The following CACNA1A variants were observed in gnomAD, a reference collection of about 807,000 sequenced individuals.
CACNA1A encodes the protein voltage-dependent P/Q-type calcium channel subunit alpha-1A.
In CACNA1A, 57 loss-of-function variants were observed where a neutral mutation model predicts 262.4. The ratio of observed to expected loss-of-function variants is 0.22; its 90% confidence interval spans 0.18 to 0.27. The LOEUF (loss-of-function observed/expected upper bound fraction) is 0.27, where lower values mean the gene tolerates loss of function less well. CACNA1A is among the 10% of genes least tolerant of loss of function. The pLI is 1.00. For missense variants in CACNA1A, 2,526 were observed against 3,562.8 expected (o/e 0.71, Z 7.41); for synonymous variants, 1,431 against 1,419.3 (o/e 1.01, Z -0.18).
chr19:13,391,931 G>A (rs2059716426), intron 3 of CACNA1A, among the ~76,000 whole-genome samples: 1 of 151,786 alleles, frequency 6.6e-6, no homozygotes, highest in African/African-American at 2.4e-5. Flanking sequence ...CAGCTACTCG[G>A]GAGGCTGAGG....
At chr19:13,293,762 A>C (rs2057598286) in intron 19 of CACNA1A, among the ~76,000 whole-genome samples, 1 of 151,562 alleles carries the variant, frequency 6.6e-6, no homozygotes, top group Admixed American at 6.6e-5. Flanking sequence ...GGCTCAGTTA[A>C]ATCTTATACC....
In CACNA1A at chr19:13,278,655, G is replaced by A. The variant is rs532948825; in HGVS notation, c.3823-1527C>T. 1.8e-3 allele frequency among the ~76,000 whole-genome samples: 276 copies of A among 152,252 alleles called. 1 individual carries two copies. Among genetic ancestry groups the A allele is most frequent in the Middle Eastern group, 3.4e-3 (1 of 294 alleles). ...CCAAATGTCAGCCCCACAAGGACAG[G>A]GATGTCTGTCTGTCACCATGGCGTC... On this transcript the variant is annotated intron_variant, in intron 22 of 46. Coordinates refer to ENST00000360228, the MANE Select transcript of CACNA1A (RefSeq NM_001127222.2).
chr19:13,233,529 C>T (rs550401393), intron 34 of CACNA1A, among the ~76,000 whole-genome samples: 25 of 152,168 alleles, frequency 1.6e-4, no homozygotes, highest in Non-Finnish European at 2.9e-4. Flanking sequence ...GCTCTGTTGC[C>T]GAGGCTGGAG....
At chr19:13,297,738 G>A (rs546217151) in intron 19 of CACNA1A, among the ~76,000 whole-genome samples, 91 of 152,120 alleles carry the variant, frequency 6.0e-4, no homozygotes, top group African/African-American at 2.0e-3. Flanking sequence ...GCTTGAGCCC[G>A]GGAGGTAGAG....
chr19:13,349,701 CAG>C (rs2058871397), intron 6 of CACNA1A, among the ~76,000 whole-genome samples: 1 of 152,210 alleles, frequency 6.6e-6, no homozygotes, highest in Admixed American at 6.5e-5. Context: ...CTGAGTGAGA[CAG>C]AGCTGAATTC....
intron 10 of CACNA1A, among the ~76,000 whole-genome samples, chr19:13,328,066 G>GA (rs1321334721): frequency 6.6e-6 from 1 of 151,704 alleles, no homozygotes; most frequent in Non-Finnish European, 1.5e-5. Flanking sequence ...GCCTGGCTAA[G>GA]TTTTTCAACA....
At chr19:13,391,028 A>T (rs2059701804) in intron 3 of CACNA1A, among the ~76,000 whole-genome samples, 2 of 152,130 alleles carry the variant, frequency 1.3e-5, no homozygotes, top group Non-Finnish European at 2.9e-5. Flanking sequence ...CTGGGATTAC[A>T]GGCACGTGAC....
chr19:13,263,073 T>G (rs1394541338), intron 24 of CACNA1A: 1 of 517,020 alleles, frequency 1.9e-6, no homozygotes. Flanking sequence ...TTGAGGGCCC[T>G]TTGCCATCTG....
intron 1 of CACNA1A, among the ~76,000 whole-genome samples, chr19:13,460,140 C>T (rs2061093112): frequency 6.6e-6 from 1 of 152,172 alleles, no homozygotes; most frequent in Non-Finnish European, 1.5e-5. Context: ...ACCCTTGCTA[C>T]TCAAAGTGTG....
chr19:13,303,524 A>C (rs2057834836), intron 17 of CACNA1A, 22 bp downstream of exon 17: 1 of 1,363,328 alleles, frequency 7.3e-7, no homozygotes, highest in Non-Finnish European at 9.8e-7. Context: ...TTGCCAGAGA[A>C]ACATTCTCCC....
chr19:13,347,957 G>C (rs910667500), intron 6 of CACNA1A, among the ~76,000 whole-genome samples: 1 of 151,984 alleles, frequency 6.6e-6, no homozygotes, highest in Non-Finnish European at 1.5e-5. Flanking sequence ...GTCTGGTTCT[G>C]TCACCCAGGC....
intron 1 of CACNA1A, among the ~76,000 whole-genome samples, chr19:13,483,521 C>T (rs1380417378): frequency 1.3e-5 from 2 of 152,178 alleles, no homozygotes; most frequent in Admixed American, 1.3e-4. Context: ...GGCATGAGCA[C>T]ACGACCTCAG....
chr19:13,467,107 A>G (rs1026561959), intron 1 of CACNA1A, among the ~76,000 whole-genome samples: 3 of 152,114 alleles, frequency 2.0e-5, no homozygotes, highest in Non-Finnish European at 4.4e-5. Flanking sequence ...CTGGGAGAAG[A>G]GTAACCCAGG....
In CACNA1A at chr19:13,259,581, C is replaced by T. The variant is rs368100270; in HGVS notation, c.4371G>A (p.Thr1457=). Residue 1457 remains threonine (T), a synonymous_variant, in exon 27 of 47, where the codon ACG becomes ACA. Coordinates refer to ENST00000360228, the MANE Select transcript of CACNA1A (RefSeq NM_001127222.2). The part of the protein sequence containing the change: ...WALLTLFTVS[T]GEGWPQVLKH... ...CCACTTACTGTGGCCAGCCTTCTCC[C>T]GTGGACACGGTGAAGAGGGTCAGCA... 32 of 1,607,742 alleles carry T rather than the reference C, an allele frequency of 2.0e-5. No homozygotes were observed. The highest frequency in any genetic ancestry group is 1.6e-4 in the Middle Eastern group (1 of 6,066).
rs374248520 is a variant in CACNA1A at position 13,433,338 on chromosome 19, A to G, written c.539+19538T>C. 4.6e-5 allele frequency among the ~76,000 whole-genome samples: 7 copies of G among 150,858 alleles called. No individual in the cohort carries two copies. In the East Asian group the frequency reaches 1.4e-3, roughly 30 times the overall value. On this transcript the variant is annotated intron_variant, in intron 3 of 46. Coordinates refer to ENST00000360228, the MANE Select transcript of CACNA1A (RefSeq NM_001127222.2). Reference sequence around the variant, plus strand: ...TACCCAGGCATCATGGCGTGTGCCCATAGTCCTAGCTACTCAGGAGGCTGA... The same window carrying G: ...TACCCAGGCATCATGGCGTGTGCCCGTAGTCCTAGCTACTCAGGAGGCTGA...
chr19:13,415,182 A>G (rs2060199129), intron 3 of CACNA1A, among the ~76,000 whole-genome samples: 1 of 151,648 alleles, frequency 6.6e-6, no homozygotes, highest in African/African-American at 2.4e-5. Flanking sequence ...GATTTGGGGG[A>G]TGGAAGATCC....
chr19:13,275,818 G>A (rs774746490), intron 24 of CACNA1A, 32 bp downstream of exon 24: 7 of 1,420,066 alleles, frequency 4.9e-6, no homozygotes, highest in Non-Finnish European at 7.0e-6. Flanking sequence ...TGGGGGAAAA[G>A]AGGCAAGAGG....
intron 44 of CACNA1A, 51 bp from the exon 45 acceptor site, chr19:13,209,549 GGTC>G: frequency 8.1e-7 from 1 of 1,237,866 alleles, no homozygotes; most frequent in Non-Finnish European, 1.0e-6. Context: ...AGCACCAAGT[GGTC>G]CCGGTCCTTC....
chr19:13,265,029 C>T (rs977790610), intron 24 of CACNA1A, among the ~76,000 whole-genome samples: 1 of 152,084 alleles, frequency 6.6e-6, no homozygotes, highest in Non-Finnish European at 1.5e-5. Context: ...CATGAGTCAC[C>T]ACACCTGGCT....
Sources: allele counts gnomAD v4.1 joint callset (sites outside exome capture counted in the v4.1 genomes callset), GRCh38; gene constraint gnomAD v4.1.1; transcripts MANE v1.5; gene names NCBI Gene and HGNC (gene_info 2026-07-23, HGNC 2026-07-21).